Variants in GZMA observed in about 807,000 individuals in gnomAD.
GZMA encodes granzyme A.
Under a neutral mutation model 21.1 loss-of-function variants are expected in GZMA, and 17 were observed. The observed-to-expected ratio is 0.81, with a 90% CI of 0.55 to 1.21. The LOEUF is 1.21. Among genes scored for constraint, GZMA ranks in the 50% most tolerant of loss-of-function variants. The pLI is 0.00. For synonymous variants in GZMA, 90 were observed against 107.8 expected (o/e 0.83, Z 1.03); for missense variants, 306 against 315.9 (o/e 0.97, Z 0.24).
chr5:55,102,696 A>G lies in GZMA; in HGVS notation c.14A>G (p.Tyr5Cys), dbSNP rs1342047894. 48 of 1,608,078 alleles carry G rather than the reference A, an allele frequency of 3.0e-5. No homozygotes were observed. The highest frequency in any genetic ancestry group is 4.0e-5 in the Non-Finnish European group (47 of 1,174,584). MRNS[Y>C]RFLASSLSVV... The stretch of plus-strand genomic sequence containing the variant: ...ACAGCAGCCACAATGAGGAACTCCT[A>G]TAGATTTCTGGCATCCTCTCTCTCA... Residue 5 changes from tyrosine (Y) to cysteine (C), a missense_variant, in exon 1 of 5, where the codon TAT (tyrosine) becomes TGT (cysteine). Tyr to Cys is a radical substitution (Grantham distance 194). Transcript: ENST00000274306.
In GZMA at chr5:55,108,362, G is replaced by A. The variant is rs1202023479; in HGVS notation, c.595G>A (p.Gly199Arg). Residue 199 changes from glycine (G) to arginine (R), a missense_variant, in exon 4 of 5, where the codon GGA (glycine) becomes AGA (arginine). By Grantham distance (125) the Gly-to-Arg change is moderately radical. Transcript: ENST00000274306. ...PVIGMNMVCA[G>R]SLRGGRDSCN... is the part of the protein sequence containing the mutation. ...GATTGGAATGAATATGGTTTGTGCTGGAAGCCTCCGAGGTGGAAGAGACTC... is the reference window on the plus strand; with the variant it reads ...GATTGGAATGAATATGGTTTGTGCTAGAAGCCTCCGAGGTGGAAGAGACTC... 1 of 1,613,230 alleles carries A rather than the reference G, an allele frequency of 6.2e-7. No homozygotes were observed. Among genetic ancestry groups the A allele is most frequent in the African/African-American group, 1.3e-5 (1 of 74,904 alleles).
At chr5:55,105,413 A>G (rs1742369536) in intron 1 of GZMA, 61 bp from the exon 2 acceptor site, 5 of 1,456,322 alleles carry the variant, frequency 3.4e-6, no homozygotes, top group Middle Eastern at 2.0e-4. Context: ...TAGAAACATG[A>G]CTTTGTGTAG....
intron 2 of GZMA, among the ~76,000 whole-genome samples, chr5:55,106,113 AT>A (rs1264442256): frequency 3.6e-4 from 2 of 5,552 alleles, no homozygotes; most frequent in Non-Finnish European, 7.8e-4. Context: ...ATAAAATAAA[AT>A]AAATAAAATA....
intron 1 of GZMA, among the ~76,000 whole-genome samples, chr5:55,102,997 A>G (rs76413475): frequency 6.9e-6 from 1 of 144,586 alleles, no homozygotes. Flanking sequence ...CCCTGTCTCT[A>G]TTTTTTTTTT....
chr5:55,108,307 T>C lies in GZMA; in HGVS notation c.540T>C (p.Asn180=). The stretch of plus-strand genomic sequence containing the variant: ...CCATCATAGACAGAAAAGTCTGCAA[T>C]GATCGAAATCACTATAATTTTAACC... ...NITIIDRKVC[N]DRNHYNFNPV... Residue 180 remains asparagine, a synonymous_variant, in exon 4 of 5, where the codon AAT becomes AAC. Coordinates refer to ENST00000274306, the MANE Select transcript of GZMA (RefSeq NM_006144.4). 1 of 1,613,524 alleles carries C rather than the reference T, an allele frequency of 6.2e-7. No homozygotes were observed. Among genetic ancestry groups the C allele is most frequent in the African/African-American group, 1.3e-5 (1 of 75,028 alleles).
intron 2 of GZMA, among the ~76,000 whole-genome samples, chr5:55,106,772 A>T (rs1412737060): frequency 6.6e-6 from 1 of 152,074 alleles, no homozygotes; most frequent in African/African-American, 2.4e-5. Flanking sequence ...CTACTCTCTA[A>T]ATCAAGCCTC....
intron 1 of GZMA, among the ~76,000 whole-genome samples, chr5:55,104,381 G>C (rs3804259): frequency 6.6e-6 from 1 of 152,162 alleles, no homozygotes; most frequent in East Asian, 1.9e-4. Flanking sequence ...TGTTTCTAGA[G>C]CCTAGAATTT....
intron 1 of GZMA, among the ~76,000 whole-genome samples, chr5:55,104,285 C>T (rs1157175417): frequency 6.6e-6 from 1 of 152,192 alleles, no homozygotes; most frequent in Non-Finnish European, 1.5e-5. Flanking sequence ...AAGCAAGGCA[C>T]AGTTGAAATC....
rs959172477 is a variant in GZMA at position 55,107,253 on chromosome 5, C to A, written c.216-541C>A. 2.6e-5 allele frequency among the ~76,000 whole-genome samples: 4 copies of A among 152,182 alleles called. 1 individual carries two copies. In the South Asian group the frequency reaches 8.3e-4, roughly 32 times the overall value. On this transcript the variant is annotated intron_variant, in intron 2 of 4. Coordinates refer to ENST00000274306, the MANE Select transcript of GZMA (RefSeq NM_006144.4). ...AAGACTCCTGGACCCCTCCTTCAGACCACCATCCCTTCAACACACTCAATG... is the reference window on the plus strand; with the variant it reads ...AAGACTCCTGGACCCCTCCTTCAGAACACCATCCCTTCAACACACTCAATG...
intron 3 of GZMA, 81 bp from the exon 4 acceptor site, chr5:55,108,044 G>T (rs1257217002): frequency 7.1e-7 from 1 of 1,401,028 alleles, no homozygotes; most frequent in African/African-American, 1.4e-5. Flanking sequence ...ACAATAAAGA[G>T]GATCCTGAAA....
Position 55,107,818 on chromosome 5 carries a change from T to G in GZMA, c.240T>G (p.Leu80=). The change falls in exon 3 of 5, where the codon CTT becomes CTG. Residue 80 remains leucine (L), a synonymous_variant. Transcript: ENST00000274306. The stretch of plus-strand genomic sequence containing the variant: ...GGAACAAAAGGTCCCAGGTCATTCT[T>G]GGGGCTCACTCAATAACCAGGGAAG... ...CNLNKRSQVI[L]GAHSITREEP... 6.2e-7 allele frequency: 1 copy of G among 1,612,790 alleles called. No individual in the cohort carries two copies. Among genetic ancestry groups the G allele is most frequent in the South Asian group, 1.1e-5 (1 of 91,038 alleles).
chr5:55,106,180 A>AAT lies in GZMA; in HGVS notation c.215+563_215+564insTA, dbSNP rs1561279836. On this transcript the variant is annotated intron_variant, in intron 2 of 4. Transcript: ENST00000274306. ...AATAAAATAAAATAAAATAAAATAA[A>AAT]AAAATAAAATAAAATAAAATAAAAT... Among the ~76,000 whole-genome samples, 2 of 1,116 alleles carry AAT rather than the reference A, an allele frequency of 1.8e-3. 1 individual carries two copies. The highest frequency in any genetic ancestry group is 3.4e-3 in the African/African-American group (2 of 594). The allele number at this position is 1,116 out of a possible 152,430, so 0.7% of individuals were successfully genotyped here. A position where few individuals can be genotyped will look rare whatever the true frequency, so the allele number is the denominator to read the frequency against.
chr5:55,106,980 C>T (rs183744168), intron 2 of GZMA, among the ~76,000 whole-genome samples: 1 of 152,200 alleles, frequency 6.6e-6, no homozygotes, highest in African/African-American at 2.4e-5. Flanking sequence ...AAGCACTGTT[C>T]TAAGGTCTTT....
At position 55,106,224 on chromosome 5, in the gene GZMA, AAATAAAAT is replaced by A; in HGVS notation, c.215+609_215+616del. On this transcript the variant is annotated intron_variant, in intron 2 of 4. Transcript: ENST00000274306. ...ATAAAATAAAATAAAATAAAAAATA[AAATAAAAT>A]AAAATAAAATAAAATAAAATAAAAT... Among the ~76,000 whole-genome samples the A allele has an allele frequency of 2.3e-3, 8 of 3,416 alleles. 4 individuals are homozygous for A. Among genetic ancestry groups the A allele is most frequent in the African/African-American group, 5.5e-3 (8 of 1,452 alleles). The allele number at this position is 3,416 out of a possible 152,430, so 2.2% of individuals were successfully genotyped here. A position where few individuals can be genotyped will look rare whatever the true frequency, so the allele number is the denominator to read the frequency against.
intron 4 of GZMA, among the ~76,000 whole-genome samples, chr5:55,108,769 T>C (rs1337258910): frequency 1.3e-5 from 2 of 152,180 alleles, no homozygotes; most frequent in Non-Finnish European, 2.9e-5. Context: ...TCTTTCCCCA[T>C]TTCAGTACAT....
At chr5:55,107,965 T>TTCAGGGAGGATCCCGGGTTCCAA in intron 3 of GZMA, 30 bp downstream of exon 3, 1 of 1,597,466 alleles carries the variant, frequency 6.3e-7, no homozygotes, top group Non-Finnish European at 8.6e-7. Context: ...TTCTCAAAAG[T>TTCAGGGAGGATCCCGGGTTCCAA]CATAGAACCT....
chr5:55,106,252 T>C (rs1401064800), intron 2 of GZMA, among the ~76,000 whole-genome samples: 29 of 2,208 alleles, frequency 0.013, 13 homozygotes, highest in African/African-American at 0.027. Flanking sequence ...TAAAATAAAA[T>C]AAAATAAAAT....
Position 55,105,631 on chromosome 5 carries a change from G to GT in GZMA, c.215+18dup, listed in dbSNP as rs1167221529. The GT allele has an allele frequency of 6.2e-7, 1 of 1,608,602 alleles. No homozygotes were observed. Among genetic ancestry groups the GT allele is most frequent in the Non-Finnish European group, 8.5e-7 (1 of 1,176,456 alleles). On this transcript the variant is annotated intron_variant, in intron 2 of 4. Coordinates refer to ENST00000274306, the MANE Select transcript of GZMA (RefSeq NM_006144.4). ...CTCACTGTAACTTGTAAGTGCCTGGGTTTTTAAAAAAAAGTTTGTAAAGAT... is the reference window on the plus strand; with the variant it reads ...CTCACTGTAACTTGTAAGTGCCTGGGTTTTTTAAAAAAAAGTTTGTAAAGAT...
intron 1 of GZMA, 39 bp from the exon 2 acceptor site, chr5:55,105,435 G>C: frequency 6.4e-7 from 1 of 1,573,678 alleles, no homozygotes; most frequent in Admixed American, 1.7e-5. Flanking sequence ...GCTCTTTGGG[G>C]GTGAGCACCA....
Sources: allele counts gnomAD v4.1 joint callset (sites outside exome capture counted in the v4.1 genomes callset), GRCh38; gene constraint gnomAD v4.1.1; transcripts MANE v1.5; gene names NCBI Gene and HGNC (gene_info 2026-07-23, HGNC 2026-07-21).